Variants in VPS39 observed in about 807,000 individuals in gnomAD.
VPS39 encodes the protein VPS39 subunit of HOPS complex.
Under a neutral mutation model 121.0 loss-of-function variants are expected in VPS39, and 70 were observed. The ratio of observed to expected loss-of-function variants is 0.58; its 90% CI spans 0.48 to 0.71. The LOEUF is 0.71. VPS39 is among the 30% of genes least tolerant of loss of function. VPS39 has a pLI of 0.00. For synonymous variants in VPS39, 378 were observed against 398.1 expected (o/e 0.95, Z 0.60); for missense variants, 818 against 1,051.5 (o/e 0.78, Z 3.07).
chr15:42,161,982 C>A, intron 23 of VPS39, 50 bp downstream of exon 23: 1 of 1,611,198 alleles, frequency 6.2e-7, no homozygotes, highest in South Asian at 1.1e-5. Flanking sequence ...GACATTGTCT[C>A]ATACTAAAAG....
chr15:42,187,279 G>T lies in VPS39; in HGVS notation c.526C>A (p.Leu176Ile). The change falls in exon 7 of 25, where the codon CTA (leucine) becomes ATA (isoleucine). Residue 176 changes from leucine to isoleucine, a missense_variant. Leu to Ile is a conservative substitution (Grantham distance 5). Coordinates refer to ENST00000318006, the MANE Select transcript of VPS39 (RefSeq NM_015289.5). ...AAATAATAAGATTTTACCCTTATTA[G>T]GTAGTAGTCTCTCTTGAAACCCACA... ...ICVGFKRDYY[L>I]IRVDGKGSIK... The T allele has an allele frequency of 6.2e-7, 1 of 1,608,536 alleles. No individual in the cohort carries two copies. The highest frequency in any genetic ancestry group is 8.5e-7 in the Non-Finnish European group (1 of 1,178,192).
intron 1 of VPS39, among the ~76,000 whole-genome samples, chr15:42,204,683 A>T (rs11854380): frequency 0.13 from 20,036 of 151,704 alleles, 1,498 homozygotes; most frequent in South Asian, 0.2. Flanking sequence ...AAAATAAAAT[A>T]AAATTAAATT....
At chr15:42,165,441 T>C (rs1487612433) in intron 17 of VPS39, 1 of 483,878 alleles carries the variant, frequency 2.1e-6, no homozygotes, top group African/African-American at 1.9e-5. Context: ...GTGGTCACTT[T>C]TGAGTTTCGC....
chr15:42,166,698 G>A, intron 14 of VPS39, 49 bp from the exon 15 acceptor site: 1 of 1,614,002 alleles, frequency 6.2e-7, no homozygotes, highest in South Asian at 1.1e-5. Flanking sequence ...CCCCACGGGA[G>A]ATTTCCATAT....
rs559631368 is a variant in VPS39 at position 42,166,459 on chromosome 15, C to T, written c.1606+104G>A. 3.9e-5 allele frequency: 52 copies of T among 1,333,058 alleles called. 1 individual carries two copies. Among genetic ancestry groups the T allele is most frequent in the Middle Eastern group, 1.8e-4 (1 of 5,442 alleles). 82.6% of individuals were successfully genotyped at this position (1,333,058 alleles called of 1,614,324 possible). ...TTGGAGGAATGAAATTGAGTGAACA[C>T]GAGCACGGGAGGGAGGGGAGCAACC... On this transcript the variant is annotated intron_variant, in intron 15 of 24. Coordinates refer to ENST00000318006, the MANE Select transcript of VPS39 (RefSeq NM_015289.5).
At chr15:42,184,486 A>C in intron 8 of VPS39, 31 bp downstream of exon 8, 1 of 1,562,238 alleles carries the variant, frequency 6.4e-7, no homozygotes, top group African/African-American at 1.4e-5. Flanking sequence ...CTCAACCCAA[A>C]GTGGGAAACA....
Position 42,163,474 on chromosome 15 carries a change from G to A in VPS39, c.2130-79C>T, listed in dbSNP as rs568637500. The A allele has an allele frequency of 2.1e-4, 330 of 1,592,768 alleles. 3 individuals carry two copies. In the Admixed American group the frequency reaches 4.9e-3, roughly 23 times the overall value. On this transcript the variant is annotated intron_variant, in intron 20 of 24. Transcript: ENST00000318006. ...GAGAGGCTGTGCGTGCAGCCTGCTC[G>A]AGCAGCCTAACCACAGCCAAAACTG...
chr15:42,174,173 G>A (rs2049402712), intron 10 of VPS39, among the ~76,000 whole-genome samples: 1 of 152,152 alleles, frequency 6.6e-6, no homozygotes, highest in South Asian at 2.1e-4. Flanking sequence ...CCTGAACCCA[G>A]GAGGTAGAGG....
At chr15:42,170,808 T>C (rs1034449964) in intron 11 of VPS39, among the ~76,000 whole-genome samples, 2 of 143,158 alleles carry the variant, frequency 1.4e-5, no homozygotes, top group Non-Finnish European at 3.1e-5. Flanking sequence ...TCTTGGCTTC[T>C]TGTAGTCTTG....
intron 2 of VPS39, among the ~76,000 whole-genome samples, chr15:42,199,079 A>G (rs1198556076): frequency 6.6e-6 from 1 of 152,076 alleles, no homozygotes; most frequent in African/African-American, 2.4e-5. Context: ...CTCTTAAGCT[A>G]TTTACCAGAG....
intron 21 of VPS39, 157 bp from the exon 22 acceptor site, chr15:42,162,638 A>G: frequency 1.2e-6 from 1 of 828,002 alleles, no homozygotes; most frequent in Non-Finnish European, 1.7e-6. Context: ...TGGTAAGGTC[A>G]AACAGGCAAC....
At chr15:42,189,085 A>C in intron 5 of VPS39, 29 bp downstream of exon 5, 4 of 1,559,846 alleles carry the variant, frequency 2.6e-6, no homozygotes, top group Non-Finnish European at 1.8e-6. Flanking sequence ...TTAAAGCATA[A>C]AGCCAAATTT....
rs747187453 is a variant in VPS39, at chr15:42,187,266, T to A, written c.534+5A>T. On this transcript the variant is annotated splice_donor_5th_base_variant and intron_variant, in intron 7 of 24. Coordinates refer to ENST00000318006, the MANE Select transcript of VPS39 (RefSeq NM_015289.5). The stretch of plus-strand genomic sequence containing the variant: ...AATGATATTTGCAAAATAATAAGAT[T>A]TTACCCTTATTAGGTAGTAGTCTCT... 1.3e-6 allele frequency: 2 copies of A among 1,597,620 alleles called. No individual in the cohort carries two copies. Among genetic ancestry groups the A allele is most frequent in the African/African-American group, 2.7e-5 (2 of 73,894 alleles).
intron 11 of VPS39, among the ~76,000 whole-genome samples, chr15:42,173,100 A>T (rs1394660659): frequency 6.6e-6 from 1 of 152,262 alleles, no homozygotes; most frequent in Non-Finnish European, 1.5e-5. Flanking sequence ...TACTAATAAC[A>T]TCAAACACTT....
At position 42,159,312 on chromosome 15, in the gene VPS39, G is replaced by A. The variant is rs1484113873; in HGVS notation, c.*1442C>T. 1 of 152,266 alleles carries A rather than the reference G, an allele frequency of 6.6e-6. No individual in the cohort carries two copies. The highest frequency in any genetic ancestry group is 1.5e-5 in the Non-Finnish European group (1 of 68,104). The allele number at this position is 152,266 out of a possible 1,614,324, so 9.4% of individuals were successfully genotyped here. A position where few individuals can be genotyped will look rare whatever the true frequency, so the allele number is the denominator to read the frequency against. ...GGAGCCATAGTTTACAAAGGACCAC[G>A]GCAGGTCAAGGACAGGCCACTAAAA... On this transcript the variant is annotated 3_prime_UTR_variant, in exon 25 of 25. Coordinates refer to ENST00000318006, the MANE Select transcript of VPS39 (RefSeq NM_015289.5).
intron 11 of VPS39, among the ~76,000 whole-genome samples, chr15:42,172,924 T>C (rs899527380): frequency 2.0e-5 from 3 of 152,136 alleles, no homozygotes; most frequent in African/African-American, 7.2e-5. Flanking sequence ...CCACAGTTCA[T>C]TACTGGCCAA....
chr15:42,208,026 G>T (rs970137107), intron 1 of VPS39, 55 bp downstream of exon 1: 1 of 1,543,232 alleles, frequency 6.5e-7, no homozygotes, highest in Non-Finnish European at 8.8e-7. Context: ...CCTCAGAAAA[G>T]ATCCGGACCG....
intron 1 of VPS39, among the ~76,000 whole-genome samples, chr15:42,200,822 C>T (rs1013784212): frequency 5.3e-5 from 8 of 152,108 alleles, no homozygotes; most frequent in Non-Finnish European, 1.2e-4. Flanking sequence ...AACTGATGAA[C>T]GGATAAACAA....
At chr15:42,184,825 G>A in intron 7 of VPS39, 125 bp from the exon 8 acceptor site, 1 of 919,786 alleles carries the variant, frequency 1.1e-6, no homozygotes, top group Non-Finnish European at 1.6e-6. Flanking sequence ...ATAAGAAAAT[G>A]TTACAGAGTT....
Sources: gnomAD v4.1 joint callset for allele counts (sites outside exome capture counted in the v4.1 genomes callset) on GRCh38, gnomAD v4.1.1 for gene constraint, MANE v1.5 for transcripts, NCBI Gene and HGNC (gene_info 2026-07-23, HGNC 2026-07-21) for gene names.